UNC13B: variants seen among roughly 807,000 people sequenced by gnomAD.
UNC13B encodes the protein protein unc-13 homolog B.
In UNC13B, 144 loss-of-function variants were observed where a neutral mutation model predicts 211.0. The observed-to-expected ratio is 0.68, with a 90% CI of 0.60 to 0.78. The LOEUF (loss-of-function observed/expected upper bound fraction) is 0.78, where lower values mean the gene tolerates loss of function less well. Ranked by LOEUF, UNC13B falls within the 30% of genes least tolerant of loss-of-function variation. UNC13B has a pLI of 0.00. For missense variants in UNC13B, 1,777 were observed against 2,002.0 expected (o/e 0.89, Z 2.14); for synonymous variants, 709 against 725.8 (o/e 0.98, Z 0.37).
intron 11 of UNC13B, among the ~76,000 whole-genome samples, chr9:35,330,495 A>G (rs1045958520): frequency 6.6e-6 from 1 of 152,146 alleles, no homozygotes; most frequent in Admixed American, 6.5e-5. Flanking sequence ...CAGGGTTGCT[A>G]GGGTAACTTA....
intron 1 of UNC13B, among the ~76,000 whole-genome samples, chr9:35,174,388 G>A (rs1056030281): frequency 2.6e-5 from 4 of 151,490 alleles, no homozygotes; most frequent in South Asian, 2.1e-4. Flanking sequence ...TGCAGAGTGC[G>A]ATCTCGGCTC....
chr9:35,351,534 G>A (rs1250315292), intron 11 of UNC13B: 7 of 1,232,198 alleles, frequency 5.7e-6, no homozygotes, highest in East Asian at 3.2e-5. Context: ...AAAATGAAGC[G>A]ATTGTTGCAA....
intron 13 of UNC13B, among the ~76,000 whole-genome samples, 169 bp from the exon 14 acceptor site, chr9:35,374,958 T>C (rs957191871): frequency 6.6e-6 from 1 of 152,220 alleles, no homozygotes; most frequent in Admixed American, 6.5e-5. Flanking sequence ...GTTTTGCATC[T>C]TAACCTGGGA....
chr9:35,353,677 A>G (rs766790900), intron 11 of UNC13B: 85 of 1,232,072 alleles, frequency 6.9e-5, no homozygotes, highest in Middle Eastern at 6.2e-4. Flanking sequence ...AAGTGTGTAC[A>G]GAGACCGTTT....
intron 6 of UNC13B, among the ~76,000 whole-genome samples, chr9:35,256,260 C>T (rs1319450061): frequency 6.6e-6 from 1 of 152,080 alleles, no homozygotes; most frequent in Non-Finnish European, 1.5e-5. Context: ...CAGGATATTG[C>T]ATTACACTTA....
chr9:35,291,225 T>A, intron 7 of UNC13B: 1 of 961,308 alleles, frequency 1.0e-6, no homozygotes, highest in Non-Finnish European at 1.6e-6. Context: ...CTCTCCTACT[T>A]AAATATCGGG....
In UNC13B at chr9:35,404,173, G is replaced by A. The variant is rs556733994; in HGVS notation, c.*140G>A. The A allele has an allele frequency of 8.2e-7, 1 of 1,215,370 alleles. No individual in the cohort carries two copies. Among genetic ancestry groups the A allele is most frequent in the African/African-American group, 1.5e-5 (1 of 65,604 alleles). 75.3% of individuals were successfully genotyped at this position (1,215,370 alleles called of 1,614,324 possible). A position where few individuals can be genotyped will look rare whatever the true frequency, so the allele number is the denominator to read the frequency against. ...TTAAAGATATTTAAGGAAAAATTTG[G>A]GGTGGTGATAATATGGCTTTTCACA... On this transcript the variant is annotated 3_prime_UTR_variant, in exon 40 of 40. Coordinates refer to ENST00000635942, the MANE Select transcript of UNC13B (RefSeq NM_001371189.2).
At chr9:35,200,017 A>G (rs1368439661) in intron 1 of UNC13B, among the ~76,000 whole-genome samples, 1 of 152,168 alleles carries the variant, frequency 6.6e-6, no homozygotes. Flanking sequence ...TAATTTTTGT[A>G]TAAGGTGTAA....
At chr9:35,390,950 C>A (rs1395021542) in intron 26 of UNC13B, among the ~76,000 whole-genome samples, 1 of 152,210 alleles carries the variant, frequency 6.6e-6, no homozygotes, top group African/African-American at 2.4e-5. Context: ...AGCTTTGGAG[C>A]AACTGCCTGT....
chr9:35,228,005 T>C lies in UNC13B; in HGVS notation c.23-10T>C. On this transcript the variant is annotated splice_polypyrimidine_tract_variant and intron_variant, in intron 1 of 39. Transcript: ENST00000635942. ...ACATTCTTCATGGTATCCTCTTTTT[T>C]CTCTTGCAGTTAAAAGGGCCAAATT... 13 of 1,611,706 alleles carry C rather than the reference T, an allele frequency of 8.1e-6. No homozygotes were observed. The highest frequency in any genetic ancestry group is 1.1e-5 in the Non-Finnish European group (13 of 1,178,974).
At chr9:35,165,227 C>G (rs564678947) in intron 1 of UNC13B, among the ~76,000 whole-genome samples, 1 of 151,972 alleles carries the variant, frequency 6.6e-6, no homozygotes, top group Non-Finnish European at 1.5e-5. Flanking sequence ...AGAACTGGGA[C>G]AAGTGTGGAT....
intron 7 of UNC13B, among the ~76,000 whole-genome samples, chr9:35,283,929 C>T (rs1163973991): frequency 6.6e-6 from 1 of 152,096 alleles, no homozygotes; most frequent in African/African-American, 2.4e-5. Context: ...GTTTCTTGAT[C>T]TGTGTGCTGG....
At chr9:35,194,163 C>T (rs973554410) in intron 1 of UNC13B, among the ~76,000 whole-genome samples, 1 of 152,112 alleles carries the variant, frequency 6.6e-6, no homozygotes, top group African/African-American at 2.4e-5. Flanking sequence ...GGGGAGCCTT[C>T]TGTTTCTAGA....
At chr9:35,347,003 C>T (rs910078180) in intron 11 of UNC13B, among the ~76,000 whole-genome samples, 26 of 151,712 alleles carry the variant, frequency 1.7e-4, no homozygotes, top group African/African-American at 2.7e-4. Flanking sequence ...TGTGCTCAAG[C>T]GATCCTCCCA....
chr9:35,258,799 G>A (rs1037305728), intron 6 of UNC13B, among the ~76,000 whole-genome samples, 194 bp from the exon 7 acceptor site: 1 of 152,190 alleles, frequency 6.6e-6, no homozygotes, highest in African/African-American at 2.4e-5. Context: ...CACTTGGCCA[G>A]GGCCATAACC....
intron 1 of UNC13B, among the ~76,000 whole-genome samples, chr9:35,188,740 C>A (rs1403855636): frequency 6.6e-6 from 1 of 152,150 alleles, no homozygotes; most frequent in African/African-American, 2.4e-5. Context: ...CAAAATGACT[C>A]AAAAGGCAAA....
At chr9:35,236,856 G>T (rs899728515) in intron 4 of UNC13B, among the ~76,000 whole-genome samples, 3 of 152,184 alleles carry the variant, frequency 2.0e-5, no homozygotes, top group Non-Finnish European at 4.4e-5. Context: ...TGAGGTATGT[G>T]TGTGTCGGTG....
intron 11 of UNC13B, among the ~76,000 whole-genome samples, chr9:35,344,662 A>G (rs1018602965): frequency 6.6e-6 from 1 of 152,132 alleles, no homozygotes; most frequent in Non-Finnish European, 1.5e-5. Context: ...ATTAATGACA[A>G]CAAGGGTCTC....
chr9:35,287,669 T>G (rs939964709), intron 7 of UNC13B, among the ~76,000 whole-genome samples: 1 of 152,256 alleles, frequency 6.6e-6, no homozygotes, highest in Non-Finnish European at 1.5e-5. Flanking sequence ...CTTGCATTTT[T>G]ATTTATACTC....
Sources: allele counts gnomAD v4.1 joint callset (sites outside exome capture counted in the v4.1 genomes callset), GRCh38; gene constraint gnomAD v4.1.1; transcripts MANE v1.5; gene names NCBI Gene and HGNC (gene_info 2026-07-23, HGNC 2026-07-21).